The following KCNN2 variants were observed in gnomAD, a reference collection of about 807,000 sequenced individuals.
KCNN2 encodes small conductance calcium-activated potassium channel protein 2.
In KCNN2, 24 loss-of-function variants were observed where a neutral mutation model predicts 55.5. That is an observed-to-expected ratio of 0.43 (90% CI 0.31 to 0.61). The LOEUF is 0.61. Among genes scored for constraint, KCNN2 ranks in the 20% least tolerant of loss-of-function variants. KCNN2 has a pLI of 0.08. For synonymous variants in KCNN2, 431 were observed against 336.1 expected (o/e 1.28, Z -3.09); for missense variants, 754 against 853.6 (o/e 0.88, Z 1.45).
intron 4 of KCNN2, among the ~76,000 whole-genome samples, chr5:114,469,156 C>T (rs1761594759): frequency 6.6e-6 from 1 of 152,152 alleles, no homozygotes; most frequent in South Asian, 2.1e-4. Context: ...AACTAATTGT[C>T]ATTTGTCTGT....
intron 1 of KCNN2, among the ~76,000 whole-genome samples, chr5:114,148,440 T>G (rs1254599570): frequency 1.3e-5 from 2 of 152,080 alleles, no homozygotes; most frequent in Non-Finnish European, 2.9e-5. Context: ...AGCCTCCAAC[T>G]TGTGTTTGGA....
intron 1 of KCNN2, among the ~76,000 whole-genome samples, chr5:114,118,799 CA>C (rs1751771731): frequency 6.6e-6 from 1 of 152,048 alleles, no homozygotes; most frequent in African/African-American, 2.4e-5. Context: ...TAAGCAAAAC[CA>C]AAACCACATT....
intron 1 of KCNN2, among the ~76,000 whole-genome samples, chr5:114,124,740 G>A (rs532939936): frequency 1.3e-4 from 20 of 152,032 alleles, no homozygotes; most frequent in Non-Finnish European, 2.5e-4. Context: ...TACACTGTTT[G>A]CCTTCTCATT....
At chr5:114,144,261 A>G (rs779016716) in intron 1 of KCNN2, among the ~76,000 whole-genome samples, 10 of 152,214 alleles carry the variant, frequency 6.6e-5, no homozygotes, top group Non-Finnish European at 1.3e-4. Context: ...TTCTAAACTC[A>G]TAATTCTATC....
intron 2 of KCNN2, among the ~76,000 whole-genome samples, chr5:114,275,628 C>A (rs1755470278): frequency 6.6e-6 from 1 of 151,946 alleles, no homozygotes; most frequent in African/African-American, 2.4e-5. Context: ...CGTAGAGGTA[C>A]TTATAGTATT....
At chr5:114,180,953 T>TA (rs1043304522) in intron 1 of KCNN2, among the ~76,000 whole-genome samples, 2 of 152,238 alleles carry the variant, frequency 1.3e-5, no homozygotes, top group Admixed American at 6.5e-5. Flanking sequence ...CATATGTTGT[T>TA]ACATGTATGA....
intron 1 of KCNN2, among the ~76,000 whole-genome samples, chr5:114,184,038 T>C (rs1753285064): frequency 6.6e-6 from 1 of 152,196 alleles, no homozygotes; most frequent in Non-Finnish European, 1.5e-5. Context: ...ATAGGTCTAA[T>C]AGCTTTTAGT....
At chr5:114,474,695 G>A (rs1163332805) in intron 5 of KCNN2, among the ~76,000 whole-genome samples, 2 of 152,124 alleles carry the variant, frequency 1.3e-5, no homozygotes, top group South Asian at 2.1e-4. Flanking sequence ...TCTATGCTGG[G>A]ACAATTTGTG....
intron 1 of KCNN2, among the ~76,000 whole-genome samples, chr5:114,219,691 T>C (rs573281374): frequency 6.6e-6 from 1 of 152,086 alleles, no homozygotes; most frequent in Non-Finnish European, 1.5e-5. Context: ...ATATAAGTTC[T>C]CACTTCGGGC....
At chr5:114,238,211 T>G (rs1754545167) in intron 2 of KCNN2, among the ~76,000 whole-genome samples, 1 of 152,348 alleles carries the variant, frequency 6.6e-6, no homozygotes, top group Middle Eastern at 3.4e-3. Context: ...GCTATCCTCT[T>G]GTAGGTTACT....
At chr5:114,218,058 T>C (rs1754045128) in intron 1 of KCNN2, among the ~76,000 whole-genome samples, 1 of 152,256 alleles carries the variant, frequency 6.6e-6, no homozygotes, top group South Asian at 2.1e-4. Flanking sequence ...ACTACACAAG[T>C]ACTGAAATTG....
chr5:114,306,702 T>C (rs13166328), intron 2 of KCNN2, among the ~76,000 whole-genome samples: 2 of 41,684 alleles, frequency 4.8e-5, no homozygotes, highest in Non-Finnish European at 9.4e-5. Context: ...TTTTTTTTCT[T>C]TTTTTTTTTT....
At chr5:114,459,464 C>T (rs1467840225) in intron 3 of KCNN2, among the ~76,000 whole-genome samples, 1 of 152,180 alleles carries the variant, frequency 6.6e-6, no homozygotes, top group African/African-American at 2.4e-5. Context: ...TAATCATTCA[C>T]AGTGATGTGA....
At chr5:114,180,480 CTT>C (rs1204236154) in intron 1 of KCNN2, among the ~76,000 whole-genome samples, 1 of 151,882 alleles carries the variant, frequency 6.6e-6, no homozygotes, top group African/African-American at 2.4e-5. Context: ...TAATCAACTT[CTT>C]GTGTTATTTT....
intron 1 of KCNN2, among the ~76,000 whole-genome samples, chr5:114,164,354 TA>T (rs774571045): frequency 6.6e-6 from 1 of 152,206 alleles, no homozygotes; most frequent in Non-Finnish European, 1.5e-5. Flanking sequence ...ACTTTAGCCA[TA>T]ACCAGTTTTG....
intron 3 of KCNN2, among the ~76,000 whole-genome samples, chr5:114,461,682 G>A (rs754500393): frequency 1.3e-5 from 2 of 151,804 alleles, no homozygotes; most frequent in Non-Finnish European, 2.9e-5. Flanking sequence ...AGATAAATCT[G>A]CATTTTTTAT....
chr5:114,088,062 G>T (rs1751053123), intron 1 of KCNN2, among the ~76,000 whole-genome samples: 1 of 151,910 alleles, frequency 6.6e-6, no homozygotes, highest in South Asian at 2.1e-4. Context: ...GAATCTGCTG[G>T]CAGTGGGTTC....
chr5:114,090,741 G>A lies in KCNN2; in HGVS notation c.-271+34241G>A, dbSNP rs2112554625. 5.3e-5 allele frequency among the ~76,000 whole-genome samples: 8 copies of A among 152,194 alleles called. 2 individuals are homozygous for A. The South Asian group carries it at 1.7e-3, about 32-fold the overall frequency. On this transcript the variant is annotated intron_variant, in intron 1 of 10. Coordinates refer to the KCNN2 transcript ENST00000512097. ...TTTAATCCTCATTATACTATCCTGA[G>A]AAAGATATTGTAGCAATCTTCTGTG...
chr5:114,060,028 G>C (rs1994407), intron 1 of KCNN2, among the ~76,000 whole-genome samples: 58,471 of 152,204 alleles, frequency 0.38, 11,453 homozygotes, highest in Middle Eastern at 0.55. Flanking sequence ...GGCCGAAACA[G>C]TCCCTAACAG....
Sources: gnomAD v4.1 joint callset for allele counts (sites outside exome capture counted in the v4.1 genomes callset) on GRCh38, gnomAD v4.1.1 for gene constraint, MANE v1.5 for transcripts, NCBI Gene and HGNC (gene_info 2026-07-23, HGNC 2026-07-21) for gene names.